ARHGAP24: variants seen among roughly 807,000 people sequenced by gnomAD.
The protein encoded by ARHGAP24 is Rho GTPase activating protein 24, also known as rho GTPase-activating protein 24.
A neutral mutation model predicts 76.4 loss-of-function variants in ARHGAP24; 50 were observed. The ratio of observed to expected loss-of-function variants is 0.65; its 90% CI spans 0.52 to 0.83. The LOEUF (loss-of-function observed/expected upper bound fraction) is 0.83. Ranked by LOEUF, ARHGAP24 falls within the 40% of genes least tolerant of loss-of-function variation. ARHGAP24 has a pLI of 0.00. For missense variants in ARHGAP24, 930 were observed against 914.2 expected (o/e 1.02, Z -0.22); for synonymous variants, 345 against 323.3 (o/e 1.07, Z -0.72).
At chr4:85,893,718 G>T (rs1334449107) in intron 3 of ARHGAP24, among the ~76,000 whole-genome samples, 1 of 148,780 alleles carries the variant, frequency 6.7e-6, no homozygotes, top group African/African-American at 2.5e-5. Flanking sequence ...TAGGGTTTCT[G>T]CCGAGAGATC....
rs577603712 is a variant in ARHGAP24, at chr4:85,578,348, G to A, written c.180+7627G>A. On this transcript the variant is annotated intron_variant, in intron 2 of 9. Coordinates refer to ENST00000395184, the MANE Select transcript of ARHGAP24 (RefSeq NM_001025616.3). ...GGAGGAAGAGCTAAGAAAATCTGTCGCTGCTGGAGAGGGCACCTGAGATGG... is the reference window on the plus strand; with the variant it reads ...GGAGGAAGAGCTAAGAAAATCTGTCACTGCTGGAGAGGGCACCTGAGATGG... Among the ~76,000 whole-genome samples, 13 of 152,300 alleles carry A rather than the reference G, an allele frequency of 8.5e-5. No homozygotes were observed. In the South Asian group the frequency reaches 2.3e-3, roughly 27 times the overall value.
At chr4:85,650,267 GA>G (rs1034937701) in intron 2 of ARHGAP24, among the ~76,000 whole-genome samples, 2 of 149,268 alleles carry the variant, frequency 1.3e-5, no homozygotes, top group Admixed American at 6.6e-5. Context: ...CAAAACTTTA[GA>G]AAAAAAGTCC....
intron 3 of ARHGAP24, among the ~76,000 whole-genome samples, chr4:85,828,368 G>C (rs932689481): frequency 6.6e-6 from 1 of 152,106 alleles, no homozygotes; most frequent in Non-Finnish European, 1.5e-5. Context: ...TGTATTCTTT[G>C]CTTTACCCAC....
At chr4:85,680,537 A>C (rs1723168079) in intron 2 of ARHGAP24, among the ~76,000 whole-genome samples, 1 of 152,080 alleles carries the variant, frequency 6.6e-6, no homozygotes, top group African/African-American at 2.4e-5. Context: ...TGGCTTCTTC[A>C]TTCCAACTTA....
intron 1 of ARHGAP24, among the ~76,000 whole-genome samples, chr4:85,514,009 G>C (rs896144641): frequency 6.6e-6 from 1 of 152,134 alleles, no homozygotes; most frequent in Non-Finnish European, 1.5e-5. Flanking sequence ...CCTGTTTTCT[G>C]TCTCTGGAAA....
chr4:85,695,052 A>C (rs753878037), intron 2 of ARHGAP24, among the ~76,000 whole-genome samples: 3 of 152,240 alleles, frequency 2.0e-5, no homozygotes, highest in Non-Finnish European at 4.4e-5. Flanking sequence ...TTTTAGGCAA[A>C]ATCTTCAGAT....
chr4:85,967,667 C>T (rs555952875), intron 5 of ARHGAP24, among the ~76,000 whole-genome samples: 39 of 152,280 alleles, frequency 2.6e-4, no homozygotes, highest in Non-Finnish European at 4.9e-4. Flanking sequence ...TTTCCTACCA[C>T]TGGATATAAT....
intron 1 of ARHGAP24, among the ~76,000 whole-genome samples, chr4:85,558,534 G>A (rs928495594): frequency 1.8e-4 from 28 of 151,920 alleles, no homozygotes; most frequent in African/African-American, 6.8e-4. Context: ...TATGAATGAT[G>A]CTATTATTTT....
intron 2 of ARHGAP24, among the ~76,000 whole-genome samples, chr4:85,671,233 T>A (rs1722806432): frequency 6.6e-6 from 1 of 152,140 alleles, no homozygotes; most frequent in African/African-American, 2.4e-5. Flanking sequence ...TTCCCTTGAT[T>A]CATCCACCTG....
intron 3 of ARHGAP24, among the ~76,000 whole-genome samples, chr4:85,801,823 A>T (rs757707089): frequency 1.7e-4 from 26 of 152,364 alleles, no homozygotes; most frequent in South Asian, 4.1e-4. Context: ...TTATTAATGC[A>T]TCCATGTATG....
chr4:86,000,442 C>CGGGGGGGGGGGGGGGGGGGGGGGG, intron 9 of ARHGAP24, 37 bp from the exon 10 acceptor site: 6 of 807,892 alleles, frequency 7.4e-6, no homozygotes, highest in Non-Finnish European at 1.2e-5. Context: ...CTTACTCTTG[C>CGGGGGGGGGGGGGGGGGGGGGGGG]GTCCCCACCC....
At chr4:85,559,628 G>T (rs1479401049) in intron 1 of ARHGAP24, among the ~76,000 whole-genome samples, 1 of 152,188 alleles carries the variant, frequency 6.6e-6, no homozygotes, top group Non-Finnish European at 1.5e-5. Flanking sequence ...ATGGGTGAGG[G>T]AGTGGAGTAC....
intron 3 of ARHGAP24, among the ~76,000 whole-genome samples, chr4:85,746,183 A>C (rs1169568947): frequency 6.6e-6 from 1 of 152,188 alleles, no homozygotes; most frequent in Admixed American, 6.5e-5. Context: ...CAAGCTAGGG[A>C]ATTGGGGCTA....
chr4:85,839,273 A>G (rs1277549543), intron 3 of ARHGAP24, among the ~76,000 whole-genome samples: 9 of 152,220 alleles, frequency 5.9e-5, no homozygotes, highest in Admixed American at 5.2e-4. Flanking sequence ...AAGAAAGTGT[A>G]TATGCTGATT....
At chr4:85,786,181 A>C (rs1727834322) in intron 3 of ARHGAP24, among the ~76,000 whole-genome samples, 2 of 151,712 alleles carry the variant, frequency 1.3e-5, no homozygotes, top group South Asian at 4.1e-4. Context: ...AACTAAGTTA[A>C]GAACTTATCA....
At chr4:85,985,652 A>C (rs1739938774) in intron 8 of ARHGAP24, among the ~76,000 whole-genome samples, 1 of 152,222 alleles carries the variant, frequency 6.6e-6, no homozygotes. Context: ...AAAGAAAAGT[A>C]ACTCTGGTAG....
intron 2 of ARHGAP24, among the ~76,000 whole-genome samples, chr4:85,593,504 T>C (rs1302628985): frequency 1.3e-5 from 2 of 152,176 alleles, no homozygotes; most frequent in Non-Finnish European, 2.9e-5. Context: ...CCTATCCTTG[T>C]GGGATACTAC....
At chr4:85,955,859 T>G (rs1446476787) in intron 5 of ARHGAP24, among the ~76,000 whole-genome samples, 11 of 152,124 alleles carry the variant, frequency 7.2e-5, no homozygotes, top group Non-Finnish European at 1.3e-4. Context: ...GGGTATAGAG[T>G]TGATGTGTAA....
At chr4:85,891,225 G>C (rs564931825) in intron 3 of ARHGAP24, among the ~76,000 whole-genome samples, 9 of 152,264 alleles carry the variant, frequency 5.9e-5, no homozygotes, top group Admixed American at 5.2e-4. Flanking sequence ...GGAAGGCTTT[G>C]CTGAAGTTGC....
Sources: allele counts gnomAD v4.1 joint callset (sites outside exome capture counted in the v4.1 genomes callset), GRCh38; gene constraint gnomAD v4.1.1; transcripts MANE v1.5; gene names NCBI Gene and HGNC (gene_info 2026-07-23, HGNC 2026-07-21).